E2F2: variants seen among roughly 807,000 people sequenced by gnomAD.
E2F2 encodes transcription factor E2F2.
E2F2 carries 22 observed loss-of-function variants against 42.2 expected under a neutral mutation model. The observed-to-expected ratio is 0.52, with a 90% CI of 0.37 to 0.74. The LOEUF is 0.74. Among genes scored for constraint, E2F2 ranks in the 30% least tolerant of loss-of-function variants. The pLI is 0.00. For missense variants in E2F2, 481 were observed against 557.8 expected (o/e 0.86, Z 1.39); for synonymous variants, 248 against 251.6 (o/e 0.99, Z 0.13).
intron 1 of E2F2, among the ~76,000 whole-genome samples, chr1:23,525,188 A>AC (rs35872069): frequency 0.034 from 4,945 of 146,560 alleles, 97 homozygotes; most frequent in Middle Eastern, 0.08. Context: ...AGCTGAGGCC[A>AC]CCCCCCCCCT....
chr1:23,520,106 C>G (rs934438426), intron 4 of E2F2, among the ~76,000 whole-genome samples: 2 of 147,782 alleles, frequency 1.4e-5, no homozygotes, highest in African/African-American at 5.0e-5. Context: ...ATTAGCCAGG[C>G]ATGGTGGCGG....
chr1:23,525,194 C>CA (rs376050404), intron 1 of E2F2, among the ~76,000 whole-genome samples: 1 of 151,124 alleles, frequency 6.6e-6, no homozygotes, highest in Non-Finnish European at 1.5e-5. Context: ...GGCCACCCCC[C>CA]CCCTCCAGCT....
chr1:23,515,527 A>G (rs1011653878), intron 6 of E2F2, among the ~76,000 whole-genome samples: 1 of 147,714 alleles, frequency 6.8e-6, no homozygotes, highest in South Asian at 2.1e-4. Flanking sequence ...TCTATGTCTT[A>G]TTTTTTTTTT....
In E2F2 at chr1:23,516,798, C is replaced by CGG. The variant is rs71023283; in HGVS notation, c.853-273_853-272dup. ...ACTCTCAGGTCATCTAGTTTTGGGGCGGGGGGGGGGGGGCAGCACCCTTCC... is the reference window on the plus strand; with the variant it reads ...ACTCTCAGGTCATCTAGTTTTGGGGCGGGGGGGGGGGGGGGCAGCACCCTTCC... On this transcript the variant is annotated intron_variant, in intron 5 of 6. Transcript: ENST00000361729. 5.0e-3 allele frequency among the ~76,000 whole-genome samples: 405 copies of CGG among 81,778 alleles called. 10 individuals are homozygous for CGG. Among genetic ancestry groups the CGG allele is most frequent in the Middle Eastern group, 9.4e-3 (1 of 106 alleles). 53.6% of individuals were successfully genotyped at this position (81,778 alleles called of 152,430 possible). A position where few individuals can be genotyped will look rare whatever the true frequency, so the allele number is the denominator to read the frequency against.
At chr1:23,526,880 C>G (rs1225622038) in intron 1 of E2F2, among the ~76,000 whole-genome samples, 1 of 150,716 alleles carries the variant, frequency 6.6e-6, no homozygotes, top group African/African-American at 2.4e-5. Flanking sequence ...CACACACACA[C>G]AGCCTTCTCT....
At chr1:23,519,219 G>A (rs1643089210) in intron 4 of E2F2, 89 bp from the exon 5 acceptor site, 1 of 797,502 alleles carries the variant, frequency 1.3e-6, no homozygotes, top group Admixed American at 2.3e-5. Context: ...CCTCTCCTAA[G>A]CCTCTGAACA....
chr1:23,517,292 C>T (rs1643043613), intron 5 of E2F2, among the ~76,000 whole-genome samples: 1 of 152,192 alleles, frequency 6.6e-6, no homozygotes, highest in African/African-American at 2.4e-5. Flanking sequence ...ACTTAAGCCA[C>T]AACTGATGAC....
At chr1:23,526,756 C>T (rs1643257315) in intron 1 of E2F2, among the ~76,000 whole-genome samples, 1 of 152,132 alleles carries the variant, frequency 6.6e-6, no homozygotes, top group Non-Finnish European at 1.5e-5. Context: ...TACCAGGCTG[C>T]CTCAGCTGCA....
chr1:23,509,751 A>G lies in E2F2; in HGVS notation c.*129T>C. 1 of 1,402,364 alleles carries G rather than the reference A, an allele frequency of 7.1e-7. No individual in the cohort carries two copies. The highest frequency in any genetic ancestry group is 9.3e-7 in the Non-Finnish European group (1 of 1,073,400). 86.9% of individuals were successfully genotyped at this position (1,402,364 alleles called of 1,614,324 possible). On this transcript the variant is annotated 3_prime_UTR_variant, in exon 7 of 7. Coordinates refer to ENST00000361729, the MANE Select transcript of E2F2 (RefSeq NM_004091.4). ...ACAGCTTCTGCCGGCTGGGGCAGGA[A>G]AGGCGAGGAGACCCCATGCCCTGAG...
At chr1:23,517,419 C>A (rs939799192) in intron 5 of E2F2, among the ~76,000 whole-genome samples, 1 of 152,218 alleles carries the variant, frequency 6.6e-6, no homozygotes, top group Non-Finnish European at 1.5e-5. Context: ...ACCTGGGATA[C>A]CTCCTCTAAC....
rs1043141585 is a variant in E2F2 at position 23,521,065 on chromosome 1, C to G, written c.585G>C (p.Arg195Ser). 13 of 1,610,090 alleles carry G rather than the reference C, an allele frequency of 8.1e-6. No individual in the cohort carries two copies. Among genetic ancestry groups the G allele is most frequent in the African/African-American group, 1.3e-5 (1 of 74,684 alleles). Residue 195 changes from arginine to serine, a missense_variant, in exon 4 of 7, where the codon AGG becomes AGC. Arg to Ser is a moderately radical substitution (Grantham distance 110). Coordinates refer to ENST00000361729, the MANE Select transcript of E2F2 (RefSeq NM_004091.4). The stretch of plus-strand genomic sequence containing the variant: ...GTCTGGTGGGGTCTTCAAACATTCC[C>G]CTGCCTCTGGGAACAGAGCAGCCCC... ...KAKNNIQWVG[R>S]GMFEDPTRPG...
chr1:23,519,165 G>A lies in E2F2; in HGVS notation c.738-35C>T, dbSNP rs778583678. 3.8e-6 allele frequency: 6 copies of A among 1,574,232 alleles called. No homozygotes were observed. In the Admixed American group the frequency reaches 8.4e-5, roughly 22 times the overall value. ...GAGAGTCAAGAAAAGTGACTGTCTG[G>A]TCAAAATTCAAACCCCAAACCTGCC... On this transcript the variant is annotated intron_variant, in intron 4 of 6. Transcript: ENST00000361729.
rs1642871422 is a variant in E2F2 at position 23,509,799 on chromosome 1, C to A, written c.*81G>T. 1.6e-5 allele frequency: 23 copies of A among 1,468,098 alleles called. No homozygotes were observed. Among genetic ancestry groups the A allele is most frequent in the Non-Finnish European group, 2.0e-5 (22 of 1,107,806 alleles). The allele number at this position is 1,468,098 out of a possible 1,614,324, so 90.9% of individuals were successfully genotyped here. A position where few individuals can be genotyped will look rare whatever the true frequency, so the allele number is the denominator to read the frequency against. Reference sequence around the variant, plus strand: ...GAGGGCAGCACCTAGTGTCCAATGTCCCTGTGCAGGCAGAGGGGCTGTCAG... The same window carrying A: ...GAGGGCAGCACCTAGTGTCCAATGTACCTGTGCAGGCAGAGGGGCTGTCAG... On this transcript the variant is annotated 3_prime_UTR_variant, in exon 7 of 7. Coordinates refer to ENST00000361729, the MANE Select transcript of E2F2 (RefSeq NM_004091.4).
chr1:23,510,580 GTTGGGATTACAGGC>G (rs1642891066), intron 6 of E2F2, among the ~76,000 whole-genome samples: 2 of 152,268 alleles, frequency 1.3e-5, no homozygotes, highest in South Asian at 4.1e-4. Flanking sequence ...CTTCCAAAGT[GTTGGGATTACAGGC>G]CTGAGCCACT....
chr1:23,507,175 A>G lies in E2F2; in HGVS notation c.*2705T>C, dbSNP rs997582313. ...CAGAAATTATTTACCTCAGAAAGAC[A>G]CTGGCTTTTCTCTTACCCTCGTTTT... On this transcript the variant is annotated 3_prime_UTR_variant, in exon 7 of 7. Transcript: ENST00000361729. 1 of 152,104 alleles carries G rather than the reference A, an allele frequency of 6.6e-6. No homozygotes were observed. Among genetic ancestry groups the G allele is most frequent in the African/African-American group, 2.4e-5 (1 of 41,400 alleles). The allele number at this position is 152,104 out of a possible 1,614,324, so 9.4% of individuals were successfully genotyped here. A position where few individuals can be genotyped will look rare whatever the true frequency, so the allele number is the denominator to read the frequency against.
At chr1:23,527,810 A>T (rs1343284321) in intron 1 of E2F2, among the ~76,000 whole-genome samples, 1 of 152,186 alleles carries the variant, frequency 6.6e-6, no homozygotes, top group Non-Finnish European at 1.5e-5. Flanking sequence ...ATTTTCTTTC[A>T]TGCCTCACAA....
rs780297418 is a variant in E2F2 at position 23,519,041 on chromosome 1, C to T, written c.827G>A (p.Arg276Lys). 3.1e-6 allele frequency: 5 copies of T among 1,613,876 alleles called. No homozygotes were observed. The highest frequency in any genetic ancestry group is 1.6e-4 in the Middle Eastern group (1 of 6,084). The change falls in exon 5 of 7, where the codon AGA becomes AAA. Residue 276 changes from arginine (R) to lysine (K), a missense_variant. By Grantham distance (26) the Arg-to-Lys change is conservative. Transcript: ENST00000361729. ...CTCAGTCCTGTCGGGCACTTCCAGT[C>T]TCGTCTGCGGAGGGGCCTTGACGGC... ...VIAVKAPPQTRLEVPDRTEDN... is the reference protein window; with the variant it reads ...VIAVKAPPQTKLEVPDRTEDN...
chr1:23,521,190 C>G, intron 3 of E2F2, 119 bp from the exon 4 acceptor site: 1 of 1,188,802 alleles, frequency 8.4e-7, no homozygotes, highest in East Asian at 2.9e-5. Context: ...TCATGCCTGT[C>G]TCTCAGGGAG....
At chr1:23,528,799 T>C (rs1643291017) in intron 1 of E2F2, among the ~76,000 whole-genome samples, 1 of 152,108 alleles carries the variant, frequency 6.6e-6, no homozygotes, top group African/African-American at 2.4e-5. Context: ...ACTTCCAGTC[T>C]GAAAGCAGCT....
Sources: allele counts gnomAD v4.1 joint callset (sites outside exome capture counted in the v4.1 genomes callset), GRCh38; gene constraint gnomAD v4.1.1; transcripts MANE v1.5; gene names NCBI Gene and HGNC (gene_info 2026-07-23, HGNC 2026-07-21).